Variants in RIMS1 observed in about 807,000 individuals in gnomAD.
RIMS1 encodes regulating synaptic membrane exocytosis 1.
A neutral mutation model predicts 214.1 loss-of-function variants in RIMS1; 83 were observed. The ratio of observed to expected loss-of-function variants is 0.39; its 90% confidence interval spans 0.32 to 0.47. The LOEUF is 0.47. Ranked by LOEUF, RIMS1 falls within the 20% of genes least tolerant of loss-of-function variation. RIMS1 has a pLI of 0.99. For synonymous variants in RIMS1, 793 were observed against 786.8 expected (o/e 1.01, Z -0.13); for missense variants, 2,050 against 2,161.8 (o/e 0.95, Z 1.03).
intron 4 of RIMS1, among the ~76,000 whole-genome samples, chr6:72,135,306 T>C (rs986878830): frequency 6.6e-6 from 1 of 152,156 alleles, no homozygotes; most frequent in Non-Finnish European, 1.5e-5. Context: ...TGATACTCAA[T>C]ATAAATATTA....
intron 28 of RIMS1, among the ~76,000 whole-genome samples, chr6:72,323,301 A>C (rs558636204): frequency 1.4e-4 from 22 of 152,210 alleles, no homozygotes; most frequent in African/African-American, 5.1e-4. Context: ...CAACGAGAAA[A>C]AGGACTACCT....
At chr6:72,261,157 A>G (rs2077808775) in intron 19 of RIMS1, 16 of 1,028,842 alleles carry the variant, frequency 1.6e-5, no homozygotes, top group Non-Finnish European at 1.8e-5. Flanking sequence ...TTGTTTCATA[A>G]TTGTAAGTTT....
chr6:72,292,109 C>T lies in RIMS1; in HGVS notation c.3850+63C>T, dbSNP rs184339939. On this transcript the variant is annotated intron_variant, in intron 26 of 33. Transcript: ENST00000521978. Reference sequence around the variant, plus strand: ...GATTTGAGAACCTCCTCTATTTATACCCCTTTTATTAAATGAATAGTATTT... The same window carrying T: ...GATTTGAGAACCTCCTCTATTTATATCCCTTTTATTAAATGAATAGTATTT... 17 of 970,258 alleles carry T rather than the reference C, an allele frequency of 1.8e-5. No homozygotes were observed. In the Admixed American group the frequency reaches 2.6e-4, roughly 15 times the overall value. The allele number at this position is 970,258 out of a possible 1,614,324, so 60.1% of individuals were successfully genotyped here. A position where few individuals can be genotyped will look rare whatever the true frequency, so the allele number is the denominator to read the frequency against.
intron 2 of RIMS1, among the ~76,000 whole-genome samples, chr6:71,980,129 G>T (rs1327308883): frequency 2.0e-5 from 3 of 152,024 alleles, no homozygotes; most frequent in Non-Finnish European, 4.4e-5. Flanking sequence ...CCCGTGCCAA[G>T]AAAATAGTTG....
intron 29 of RIMS1, among the ~76,000 whole-genome samples, chr6:72,386,749 T>C (rs1471457684): frequency 6.7e-6 from 1 of 149,326 alleles, no homozygotes; most frequent in Non-Finnish European, 1.5e-5. Flanking sequence ...TTTTTTTTTT[T>C]TTGAGATGGA....
intron 2 of RIMS1, among the ~76,000 whole-genome samples, chr6:71,984,801 C>A (rs1418893791): frequency 9.3e-5 from 14 of 150,594 alleles, no homozygotes; most frequent in African/African-American, 3.5e-4. Flanking sequence ...ATCTATCTAT[C>A]TATCTATCTA....
At chr6:72,294,562 A>G (rs944888304) in intron 26 of RIMS1, among the ~76,000 whole-genome samples, 1 of 151,768 alleles carries the variant, frequency 6.6e-6, no homozygotes, top group African/African-American at 2.4e-5. Context: ...AAATAATTTT[A>G]TTAATATACC....
intron 8 of RIMS1, among the ~76,000 whole-genome samples, chr6:72,236,719 G>A (rs2154096038): frequency 6.7e-6 from 1 of 149,872 alleles, no homozygotes; most frequent in South Asian, 2.1e-4. Context: ...GAGCAACATT[G>A]GAAGAAGAAA....
chr6:72,128,656 C>T (rs1420068795), intron 4 of RIMS1, among the ~76,000 whole-genome samples: 1 of 152,082 alleles, frequency 6.6e-6, no homozygotes, highest in Non-Finnish European at 1.5e-5. Context: ...AATAAGAAGT[C>T]CCTGAGACAA....
chr6:71,930,185 A>G (rs937111155), intron 1 of RIMS1, among the ~76,000 whole-genome samples: 1 of 152,026 alleles, frequency 6.6e-6, no homozygotes, highest in African/African-American at 2.4e-5. Context: ...ACTATTTCTC[A>G]CTCTTTGCCA....
At chr6:72,232,593 G>GA (rs2062420829) in intron 6 of RIMS1, among the ~76,000 whole-genome samples, 1 of 151,492 alleles carries the variant, frequency 6.6e-6, no homozygotes, top group African/African-American at 2.4e-5. Flanking sequence ...TTTTTCTAAT[G>GA]AAATTTCTAA....
chr6:71,976,816 A>G (rs755432345), intron 2 of RIMS1, among the ~76,000 whole-genome samples: 5 of 152,142 alleles, frequency 3.3e-5, no homozygotes, highest in Admixed American at 1.3e-4. Context: ...TACTTTTCCC[A>G]TAGCAGATTA....
At chr6:72,297,001 T>C (rs1563725725) in intron 26 of RIMS1, among the ~76,000 whole-genome samples, 3 of 151,980 alleles carry the variant, frequency 2.0e-5, no homozygotes, top group Admixed American at 2.0e-4. Flanking sequence ...TATTTAGTTA[T>C]GCATTATGTA....
intron 6 of RIMS1, among the ~76,000 whole-genome samples, chr6:72,228,246 T>A (rs1407098400): frequency 6.6e-6 from 1 of 151,876 alleles, no homozygotes. Flanking sequence ...ATACAGTAAA[T>A]CTCTAGGGTT....
At chr6:71,927,813 T>C (rs1376491189) in intron 1 of RIMS1, among the ~76,000 whole-genome samples, 3 of 152,118 alleles carry the variant, frequency 2.0e-5, no homozygotes, top group African/African-American at 7.2e-5. Context: ...GACAAATTTA[T>C]AATATTTGAA....
chr6:72,070,027 T>C (rs1210604468), intron 2 of RIMS1, among the ~76,000 whole-genome samples: 2 of 152,244 alleles, frequency 1.3e-5, no homozygotes, highest in Non-Finnish European at 2.9e-5. Flanking sequence ...ATACTTGTTT[T>C]GCTTATCATA....
At chr6:72,146,688 C>A (rs150510960) in intron 4 of RIMS1, among the ~76,000 whole-genome samples, 2 of 152,268 alleles carry the variant, frequency 1.3e-5, no homozygotes, top group African/African-American at 2.4e-5. Context: ...CTTGTTCAAA[C>A]CTTTAGATTT....
At chr6:72,312,662 T>C (rs912871632) in intron 27 of RIMS1, among the ~76,000 whole-genome samples, 10 of 152,160 alleles carry the variant, frequency 6.6e-5, no homozygotes, top group Non-Finnish European at 1.3e-4. Context: ...CTTTTGATTC[T>C]AAGTTAGTAG....
intron 4 of RIMS1, among the ~76,000 whole-genome samples, chr6:72,177,736 C>G (rs183060934): frequency 8.5e-5 from 13 of 152,182 alleles, no homozygotes; most frequent in Admixed American, 7.9e-4. Context: ...ACCAACCAAC[C>G]AAAACCTTCC....
Sources: gnomAD v4.1 joint callset for allele counts (sites outside exome capture counted in the v4.1 genomes callset) on GRCh38, gnomAD v4.1.1 for gene constraint, MANE v1.5 for transcripts, NCBI Gene and HGNC (gene_info 2026-07-23, HGNC 2026-07-21) for gene names.